STAG1: variants seen among roughly 807,000 people sequenced by gnomAD.
STAG1 encodes cohesin subunit SA-1.
STAG1 carries 26 observed loss-of-function variants against 170.9 expected under a neutral mutation model. The ratio of observed to expected loss-of-function variants is 0.15; its 90% CI spans 0.11 to 0.21. STAG1 has a LOEUF of 0.21. Among genes scored for constraint, STAG1 ranks in the 10% least tolerant of loss-of-function variants. The pLI, the probability that STAG1 is intolerant of heterozygous loss-of-function variation, is 1.00. For missense variants in STAG1, 964 were observed against 1,509.5 expected (o/e 0.64, Z 5.99); for synonymous variants, 514 against 497.7 (o/e 1.03, Z -0.44).
In STAG1 at chr3:136,577,075, C is replaced by T. The variant is rs181034210; in HGVS notation, c.298-8214G>A. On this transcript the variant is annotated intron_variant, in intron 4 of 33. Transcript: ENST00000383202. ...GGCTGATTGTGATAAAGTACCAATT[C>T]AAGCACATGCCTTGAAAGCTTACAT... 4.0e-3 allele frequency among the ~76,000 whole-genome samples: 609 copies of T among 152,296 alleles called. 3 individuals carry two copies. The highest frequency in any genetic ancestry group is 6.5e-3 in the Non-Finnish European group (442 of 68,036).
intron 1 of STAG1, among the ~76,000 whole-genome samples, chr3:136,732,237 T>TAAAAAAAAAAAA (rs71134406): frequency 1.2e-5 from 1 of 85,754 alleles, no homozygotes; most frequent in African/African-American, 4.2e-5. Context: ...TATCCACAAC[T>TAAAAAAAAAAAA]AAAAAAAAAA....
intron 1 of STAG1, among the ~76,000 whole-genome samples, chr3:136,698,757 T>G (rs1034149832): frequency 1.3e-5 from 2 of 152,178 alleles, no homozygotes; most frequent in Non-Finnish European, 2.9e-5. Context: ...CACATCCACA[T>G]GCATCTATAT....
rs373159127 is a variant in STAG1, at chr3:136,686,374, G to A, written c.-83-55393C>T. On this transcript the variant is annotated intron_variant, in intron 1 of 33. Coordinates refer to ENST00000383202, the MANE Select transcript of STAG1 (RefSeq NM_005862.3). The stretch of plus-strand genomic sequence containing the variant: ...TTGTTGTCTCTGGTCCCACATCAGG[G>A]AGAAAATATGACAGTCAATGTCAGG... Among the ~76,000 whole-genome samples, 4 of 152,298 alleles carry A rather than the reference G, an allele frequency of 2.6e-5. No individual in the cohort carries two copies. In the South Asian group the frequency reaches 8.3e-4, roughly 32 times the overall value.
chr3:136,705,172 G>A (rs949017594), intron 1 of STAG1, among the ~76,000 whole-genome samples: 6 of 151,960 alleles, frequency 3.9e-5, no homozygotes, highest in South Asian at 2.1e-4. Context: ...TCAGGAGTTC[G>A]AGACCAGCCT....
chr3:136,476,683 G>C (rs1383752), intron 10 of STAG1, among the ~76,000 whole-genome samples: 152,238 of 152,288 alleles, frequency 1, 76,094 homozygotes, highest in Non-Finnish European at 1. Flanking sequence ...TTTATGATAA[G>C]TGCTCTACTT....
intron 21 of STAG1, among the ~76,000 whole-genome samples, chr3:136,399,899 T>C (rs2087269209): frequency 6.6e-6 from 1 of 152,128 alleles, no homozygotes; most frequent in Non-Finnish European, 1.5e-5. Flanking sequence ...ACATAACAAA[T>C]AATAAAACTT....
chr3:136,379,606 G>A (rs569935868), intron 22 of STAG1, among the ~76,000 whole-genome samples: 95 of 152,296 alleles, frequency 6.2e-4, no homozygotes, highest in South Asian at 3.1e-3. Context: ...CTACTCGGGA[G>A]GCTGAGGCAG....
At chr3:136,343,609 T>G (rs977443819) in intron 30 of STAG1, among the ~76,000 whole-genome samples, 3 of 152,178 alleles carry the variant, frequency 2.0e-5, no homozygotes, top group African/African-American at 7.2e-5. Context: ...TAGCACCTGG[T>G]GAGACACCGT....
chr3:136,400,249 A>G (rs555134245), intron 21 of STAG1, among the ~76,000 whole-genome samples: 1 of 151,830 alleles, frequency 6.6e-6, no homozygotes, highest in Admixed American at 6.6e-5. Context: ...TTTTTTTGAG[A>G]CAGAGTCTTG....
intron 21 of STAG1, among the ~76,000 whole-genome samples, chr3:136,408,013 T>C (rs1345382463): frequency 6.6e-6 from 1 of 152,146 alleles, no homozygotes; most frequent in Non-Finnish European, 1.5e-5. Flanking sequence ...CTGTTCATAG[T>C]TTCTTATGAA....
chr3:136,557,725 AAC>A (rs1936684506), intron 5 of STAG1, among the ~76,000 whole-genome samples: 1 of 151,822 alleles, frequency 6.6e-6, no homozygotes, highest in Admixed American at 6.6e-5. Context: ...TTTTAGTAGA[AAC>A]AGTGTTTCAC....
intron 3 of STAG1, among the ~76,000 whole-genome samples, chr3:136,615,456 TG>T: frequency 1.3e-5 from 1 of 74,142 alleles, no homozygotes; most frequent in East Asian, 4.2e-4. Context: ...AAAAAAGGAG[TG>T]GGGGCACTGC....
intron 7 of STAG1, among the ~76,000 whole-genome samples, chr3:136,516,654 A>G (rs1444061585): frequency 6.6e-6 from 1 of 152,218 alleles, no homozygotes; most frequent in Non-Finnish European, 1.5e-5. Flanking sequence ...AGAACAAGCA[A>G]ATCAATAAAT....
chr3:136,572,304 G>C (rs951833526), intron 4 of STAG1, among the ~76,000 whole-genome samples: 1 of 151,906 alleles, frequency 6.6e-6, no homozygotes, highest in African/African-American at 2.4e-5. Flanking sequence ...TAGTAAAATA[G>C]TAAACAAGGC....
At chr3:136,375,699 AGT>A (rs1937558818) in intron 23 of STAG1, among the ~76,000 whole-genome samples, 4 of 151,662 alleles carry the variant, frequency 2.6e-5, no homozygotes, top group Non-Finnish European at 5.9e-5. Flanking sequence ...GGCCAGGTGC[AGT>A]GGCTCACACC....
chr3:136,442,167 C>A (rs2088652871), intron 15 of STAG1, among the ~76,000 whole-genome samples: 1 of 152,192 alleles, frequency 6.6e-6, no homozygotes, highest in African/African-American at 2.4e-5. Context: ...CACTGCACTC[C>A]AGTGTGGGTG....
At chr3:136,390,727 C>G (rs532031433) in intron 22 of STAG1, among the ~76,000 whole-genome samples, 2 of 152,212 alleles carry the variant, frequency 1.3e-5, no homozygotes, top group Admixed American at 6.5e-5. Context: ...AAGCAGTTAA[C>G]TCTGCAGATA....
intron 16 of STAG1, among the ~76,000 whole-genome samples, chr3:136,427,041 CA>C (rs1246471286): frequency 1.4e-5 from 2 of 146,210 alleles, no homozygotes; most frequent in Non-Finnish European, 3.0e-5. Context: ...GCCTGGGCGA[CA>C]GAGCGAGACT....
At chr3:136,490,919 G>T (rs1011585759) in intron 9 of STAG1, among the ~76,000 whole-genome samples, 1 of 152,024 alleles carries the variant, frequency 6.6e-6, no homozygotes, top group African/African-American at 2.4e-5. Flanking sequence ...TACCATTACT[G>T]AAATAACAAT....
Sources: allele counts gnomAD v4.1 joint callset (sites outside exome capture counted in the v4.1 genomes callset), GRCh38; gene constraint gnomAD v4.1.1; transcripts MANE v1.5; gene names NCBI Gene and HGNC (gene_info 2026-07-23, HGNC 2026-07-21).